The following ZC3H13 variants were observed in gnomAD, a reference collection of about 807,000 sequenced individuals.
ZC3H13 encodes zinc finger CCCH-type containing 13.
Under a neutral mutation model 204.1 loss-of-function variants are expected in ZC3H13, and 64 were observed. The observed-to-expected ratio is 0.31, with a 90% CI of 0.26 to 0.39. ZC3H13 has a LOEUF of 0.39. ZC3H13 is among the 10% of genes least tolerant of loss of function. The pLI is 1.00. For missense variants in ZC3H13, 1,833 were observed against 2,082.7 expected (o/e 0.88, Z 2.33); for synonymous variants, 667 against 693.7 (o/e 0.96, Z 0.60).
rs893793212 is a variant in ZC3H13 at position 46,031,973 on chromosome 13, T to C, written c.339+10191A>G. Among the ~76,000 whole-genome samples the C allele has an allele frequency of 7.9e-5, 12 of 152,386 alleles. No homozygotes were observed. In the South Asian group the frequency reaches 2.5e-3, roughly 32 times the overall value. Reference sequence around the variant, plus strand: ...GTCCACACAAAAATCTGCACACAGATGTTTATAGCAGCTGTATTCATAATT... The same window carrying C: ...GTCCACACAAAAATCTGCACACAGACGTTTATAGCAGCTGTATTCATAATT... On this transcript the variant is annotated intron_variant, in intron 4 of 18. Coordinates refer to ENST00000679008, the MANE Select transcript of ZC3H13 (RefSeq NM_001330564.2).
intron 4 of ZC3H13, among the ~76,000 whole-genome samples, chr13:46,020,916 C>G (rs931239404): frequency 1.3e-5 from 2 of 151,952 alleles, no homozygotes; most frequent in African/African-American, 4.8e-5. Context: ...TGACATTCAG[C>G]TACACAGTAA....
rs910143896 is a variant in ZC3H13, at chr13:46,052,505, G to T, written c.-111C>A. On this transcript the variant is annotated 5_prime_UTR_variant, in exon 1 of 19. Transcript: ENST00000679008. Reference sequence around the variant, plus strand: ...ACTCTGTCCCCGCGCCTGGACCCAGGAGGACGACGACGAGGAGAAAGCGAT... The same window carrying T: ...ACTCTGTCCCCGCGCCTGGACCCAGTAGGACGACGACGAGGAGAAAGCGAT... 3 of 398,548 alleles carry T rather than the reference G, an allele frequency of 7.5e-6. No individual in the cohort carries two copies. The highest frequency in any genetic ancestry group is 2.1e-5 in the African/African-American group (1 of 48,610). 24.7% of individuals were successfully genotyped at this position (398,548 alleles called of 1,614,324 possible).
rs769637482 is a variant in ZC3H13 at position 45,967,939 on chromosome 13, T to C, written c.3886A>G (p.Arg1296Gly). 1.2e-6 allele frequency: 2 copies of C among 1,614,070 alleles called. No homozygotes were observed. Among genetic ancestry groups the C allele is most frequent in the Non-Finnish European group, 1.7e-6 (2 of 1,179,964 alleles). The part of the protein sequence containing the change: ...VHSRSGSFDS[R>G]DRLQERDRYE... Reference sequence around the variant, plus strand: ...CGATCTCGTTCTTGAAGCCTGTCTCTGCTATCAAATGACCCAGATCTTGAA... The same window carrying C: ...CGATCTCGTTCTTGAAGCCTGTCTCCGCTATCAAATGACCCAGATCTTGAA... Residue 1296 changes from arginine (R) to glycine (G), a missense_variant, in exon 15 of 19, where the codon AGA becomes GGA. Arg to Gly is a moderately radical substitution (Grantham distance 125). Transcript: ENST00000679008.
intron 4 of ZC3H13, among the ~76,000 whole-genome samples, chr13:46,020,865 G>A (rs965002321): frequency 4.6e-5 from 7 of 152,046 alleles, no homozygotes; most frequent in Non-Finnish European, 7.4e-5. Context: ...TAGCTAAGAT[G>A]TAAAAATATA....
chr13:46,018,317 A>G (rs1055948906), intron 5 of ZC3H13, among the ~76,000 whole-genome samples: 4 of 152,162 alleles, frequency 2.6e-5, no homozygotes, highest in Non-Finnish European at 5.9e-5. Context: ...ATCAGGTGAA[A>G]CAGTATCAAG....
intron 9 of ZC3H13, among the ~76,000 whole-genome samples, chr13:45,987,856 T>C (rs1421148202): frequency 6.6e-6 from 1 of 152,152 alleles, no homozygotes; most frequent in African/African-American, 2.4e-5. Context: ...ACCAGAAGCT[T>C]AGACAAGAAG....
chr13:46,006,152 T>C (rs193021852), intron 7 of ZC3H13, among the ~76,000 whole-genome samples: 5 of 151,698 alleles, frequency 3.3e-5, no homozygotes, highest in Non-Finnish European at 5.9e-5. Flanking sequence ...TCTGATCTTG[T>C]AGCCCCCACC....
intron 14 of ZC3H13, 47 bp from the exon 15 acceptor site, chr13:45,968,075 A>G: frequency 6.7e-7 from 1 of 1,499,336 alleles, no homozygotes; most frequent in Non-Finnish European, 8.9e-7. Flanking sequence ...ACATGATAAA[A>G]TAGAAACAAA....
chr13:46,040,994 A>T (rs1476802449), intron 4 of ZC3H13, among the ~76,000 whole-genome samples: 1 of 152,192 alleles, frequency 6.6e-6, no homozygotes, highest in East Asian at 1.9e-4. Context: ...ATGTGAAATG[A>T]TACAGCCACT....
At chr13:45,988,675 G>C (rs2039736018) in intron 9 of ZC3H13, 112 bp downstream of exon 9, 6 of 1,209,586 alleles carry the variant, frequency 5.0e-6, no homozygotes, top group Non-Finnish European at 6.8e-6. Context: ...AAAAATTCTA[G>C]TCTGTGTGTT....
chr13:45,992,970 T>C (rs923574942), intron 8 of ZC3H13, among the ~76,000 whole-genome samples: 7 of 152,268 alleles, frequency 4.6e-5, no homozygotes, highest in African/African-American at 1.4e-4. Context: ...CAGGGCTTTA[T>C]AGCCTCCATA....
intron 4 of ZC3H13, among the ~76,000 whole-genome samples, chr13:46,029,460 G>A (rs1408613472): frequency 3.7e-5 from 5 of 136,448 alleles, no homozygotes; most frequent in African/African-American, 1.4e-4. Context: ...ACGGAGTCTC[G>A]CTCTGTCGCC....
chr13:45,975,286 G>A lies in ZC3H13; in HGVS notation c.2465C>T (p.Ser822Leu). 1 of 1,605,428 alleles carries A rather than the reference G, an allele frequency of 6.2e-7. No individual in the cohort carries two copies. The highest frequency in any genetic ancestry group is 8.5e-7 in the Non-Finnish European group (1 of 1,174,728). ...NPRDGHDERKSKKRYRNEGSP... is the reference protein window; with the variant it reads ...NPRDGHDERKLKKRYRNEGSP... ...AATAACTGATAATTATTCTTACTTT[G>A]ATTTTCTTTCATCATGTCCATCTCT... Residue 822 changes from serine (S) to leucine (L), a missense_variant, in exon 12 of 19, where the codon TCA becomes TTA. By Grantham distance (145) the Ser-to-Leu change is moderately radical (BLOSUM62 -2). Transcript: ENST00000679008.
At chr13:46,017,328 C>G (rs927197317) in intron 5 of ZC3H13, among the ~76,000 whole-genome samples, 7 of 152,004 alleles carry the variant, frequency 4.6e-5, no homozygotes, top group African/African-American at 1.7e-4. Flanking sequence ...ACATTGTTTG[C>G]CTGGTGTACT....
Position 46,022,554 on chromosome 13 carries a change from C to T in ZC3H13, c.340-1997G>A, listed in dbSNP as rs75687860. On this transcript the variant is annotated intron_variant, in intron 4 of 18. Coordinates refer to ENST00000679008, the MANE Select transcript of ZC3H13 (RefSeq NM_001330564.2). ...TTGCTGTATTTCTTGAACAGAATGG[C>T]TTCTCATCTTCTCTTAAATCCAAAC... Among the ~76,000 whole-genome samples the T allele has an allele frequency of 8.5e-3, 1,298 of 151,986 alleles. 17 individuals carry two copies. Among genetic ancestry groups the T allele is most frequent in the African/African-American group, 0.029 (1,218 of 41,482 alleles).
At chr13:46,024,575 T>TAAA (rs2042420456) in intron 4 of ZC3H13, among the ~76,000 whole-genome samples, 1 of 152,148 alleles carries the variant, frequency 6.6e-6, no homozygotes, top group Non-Finnish European at 1.5e-5. Flanking sequence ...ATCTAGAGGT[T>TAAA]TCTAGGATTT....
chr13:45,985,730 G>C lies in ZC3H13; in HGVS notation c.1287C>G (p.Asp429Glu). 2 of 1,611,994 alleles carry C rather than the reference G, an allele frequency of 1.2e-6. No homozygotes were observed. The highest frequency in any genetic ancestry group is 8.5e-7 in the Non-Finnish European group (1 of 1,179,420). Reference sequence around the variant, plus strand: ...GTTCATATTCTCGTTCTTCTCTTGAGTCCTTTTCTCTGTCTCGTTTGCCCC... The same window carrying C: ...GTTCATATTCTCGTTCTTCTCTTGACTCCTTTTCTCTGTCTCGTTTGCCCC... ...DTRGKRDREK[D>E]SREEREYEQD... The change falls in exon 10 of 19, where the codon GAC becomes GAG. Residue 429 changes from aspartate to glutamate, a missense_variant. Transcript: ENST00000679008.
Position 45,975,362 on chromosome 13 carries a change from G to T in ZC3H13, c.2389C>A (p.Arg797=). Residue 797 remains arginine, a synonymous_variant, in exon 12 of 19, where the codon CGA becomes AGA. Transcript: ENST00000679008. ...QRDWEDKDKG[R]DDRREKREEI... ...TCTCGCTTTTCTCTGCGGTCATCTC[G>T]TCCTTTGTCTTTGTCTTCCCAATCC... 1 of 1,613,594 alleles carries T rather than the reference G, an allele frequency of 6.2e-7. No individual in the cohort carries two copies. The highest frequency in any genetic ancestry group is 1.6e-4 in the Middle Eastern group (1 of 6,062).
rs1368765384 is a variant in ZC3H13 at position 45,969,001 on chromosome 13, G to C, written c.3543C>G (p.Arg1181=). The change falls in exon 14 of 19, where the codon CGC becomes CGG. Residue 1181 remains arginine, a synonymous_variant. Coordinates refer to ENST00000679008, the MANE Select transcript of ZC3H13 (RefSeq NM_001330564.2). ...PHVTIEDAQH[R]KPMDQKRSSS... ...TGCTCCTCTTTTGATCCATAGGCTT[G>C]CGATGCTGTGCATCTTCTATAGTCA... The C allele has an allele frequency of 3.1e-6, 5 of 1,614,168 alleles. No individual in the cohort carries two copies. In the African/African-American group the frequency reaches 6.7e-5, roughly 22 times the overall value.
Sources: allele counts gnomAD v4.1 joint callset (sites outside exome capture counted in the v4.1 genomes callset), GRCh38; gene constraint gnomAD v4.1.1; transcripts MANE v1.5; gene names NCBI Gene and HGNC (gene_info 2026-07-23, HGNC 2026-07-21).